The following SLC30A3 variants were observed in gnomAD, a reference collection of about 807,000 sequenced individuals.
SLC30A3 encodes the protein probable proton-coupled zinc antiporter SLC30A3.
In SLC30A3, 20 loss-of-function variants were observed where a neutral mutation model predicts 35.6. The observed-to-expected ratio is 0.56, with a 90% CI of 0.39 to 0.82. The LOEUF (loss-of-function observed/expected upper bound fraction) is 0.82, where lower values mean the gene tolerates loss of function less well. Ranked by LOEUF, SLC30A3 falls within the 40% of genes least tolerant of loss-of-function variation. The pLI, the probability that SLC30A3 is intolerant of heterozygous loss-of-function variation, is 0.00. For synonymous variants in SLC30A3, 217 were observed against 224.7 expected (o/e 0.97, Z 0.31); for missense variants, 401 against 530.6 (o/e 0.76, Z 2.40).
rs1174700335 is a variant in SLC30A3, at chr2:27,254,797, CACAG to C, written c.*511_*514del. On this transcript the variant is annotated 3_prime_UTR_variant, in exon 8 of 8. Transcript: ENST00000233535. ...ACACACACACACACACACACACACA[CACAG>C]ACAAAACCACAGGGCTAAGACACAC... 3 of 273,328 alleles carry C rather than the reference CACAG, an allele frequency of 1.1e-5. No homozygotes were observed. Among genetic ancestry groups the C allele is most frequent in the Non-Finnish European group, 1.4e-5 (2 of 143,936 alleles). The allele number at this position is 273,328 out of a possible 1,614,324, so 16.9% of individuals were successfully genotyped here.
intron 1 of SLC30A3, among the ~76,000 whole-genome samples, chr2:27,260,045 T>G (rs991874363): frequency 6.6e-6 from 1 of 152,098 alleles, no homozygotes; most frequent in African/African-American, 2.4e-5. Flanking sequence ...CAAGGCAGTA[T>G]GAAGGGAAGG....
upstream of SLC30A3, among the ~76,000 whole-genome samples, chr2:27,264,659 CCA>C (rs1190331455): frequency 2.0e-5 from 3 of 152,176 alleles, no homozygotes; most frequent in Non-Finnish European, 2.9e-5. This position sits in a 1 kb window ranked among gnomAD's most constrained non-coding sequence, Gnocchi z 6.1. Flanking sequence ...CCCAGCCTCC[CCA>C]GTCCAAAGCC....
chr2:27,258,166 C>A lies in SLC30A3; in HGVS notation c.419G>T (p.Arg140Leu). ...GGGCCATGCAGGGGCCTTACCTGAA[C>A]GGTGCCAGCCAAAGGTCATGGTGCG... is the stretch of plus-strand genomic sequence containing the variant. The part of the protein sequence containing the change: ...ATRTMTFGWH[R>L]SETLGALASV... The change falls in exon 3 of 8, where the codon CGT becomes CTT. Residue 140 changes from arginine (R) to leucine (L), a missense_variant. Arg to Leu is a moderately radical substitution (Grantham distance 102, BLOSUM62 -2). Around this residue, in one of 3 missense-constraint regions of SLC30A3, gnomAD observed 296 missense variants for 392.6 expected, o/e 0.75. Coordinates refer to ENST00000233535, the MANE Select transcript of SLC30A3 (RefSeq NM_003459.5). The surrounding 1 kb of genome is among the most constrained non-coding windows in gnomAD (Gnocchi z 4.0). 1 of 1,593,374 alleles carries A rather than the reference C, an allele frequency of 6.3e-7. No individual in the cohort carries two copies. The highest frequency in any genetic ancestry group is 8.6e-7 in the Non-Finnish European group (1 of 1,167,004).
chr2:27,272,272 T>C (rs1426479591), intron 1 of SLC30A3, among the ~76,000 whole-genome samples: 2 of 152,176 alleles, frequency 1.3e-5, no homozygotes, highest in African/African-American at 2.4e-5. Flanking sequence ...ATGGGCCCTG[T>C]AGTCTTGTCC....
In SLC30A3 at chr2:27,258,427, A is replaced by ACC; in HGVS notation, c.278-121_278-120insGG. On this transcript the variant is annotated intron_variant, in intron 2 of 7. Transcript: ENST00000233535. The surrounding 1 kb of genome is among the most constrained non-coding windows in gnomAD (Gnocchi z 4.0). ...ATGTGATTTGGGGTTTTCTCAGGTG[A>ACC]TGGGACTACAGGTATAATTAACTAC... 4.4e-6 allele frequency: 4 copies of ACC among 917,850 alleles called. No homozygotes were observed. The highest frequency in any genetic ancestry group is 4.8e-6 in the Non-Finnish European group (3 of 625,760). The allele number at this position is 917,850 out of a possible 1,614,324, so 56.9% of individuals were successfully genotyped here. A position where few individuals can be genotyped will look rare whatever the true frequency, so the allele number is the denominator to read the frequency against.
chr2:27,275,090 G>C, intron 1 of SLC30A3: 1 of 880,794 alleles, frequency 1.1e-6, no homozygotes, highest in Non-Finnish European at 1.6e-6. Flanking sequence ...GGGTGGAAGA[G>C]AAGGAGGGAC....
chr2:27,255,553 T>A lies in SLC30A3; in HGVS notation c.1019-93A>T. ...GACAGGGAAAGGGGCTGCACAGCAT[T>A]AAAGCCAGGCGTGAATGGAAGCCTG... On this transcript the variant is annotated intron_variant, in intron 7 of 7. Transcript: ENST00000233535. The surrounding 1 kb of genome is among the most constrained non-coding windows in gnomAD (Gnocchi z 5.2). The A allele has an allele frequency of 7.2e-7, 1 of 1,391,150 alleles. No individual in the cohort carries two copies. The highest frequency in any genetic ancestry group is 1.0e-6 in the Non-Finnish European group (1 of 1,002,808). The allele number at this position is 1,391,150 out of a possible 1,614,324, so 86.2% of individuals were successfully genotyped here. A position where few individuals can be genotyped will look rare whatever the true frequency, so the allele number is the denominator to read the frequency against.
In SLC30A3 at chr2:27,257,049, G is replaced by T; in HGVS notation, c.777+105C>A. 1 of 1,230,938 alleles carries T rather than the reference G, an allele frequency of 8.1e-7. No homozygotes were observed. Among genetic ancestry groups the T allele is most frequent in the Non-Finnish European group, 1.2e-6 (1 of 837,814 alleles). The allele number at this position is 1,230,938 out of a possible 1,614,324, so 76.3% of individuals were successfully genotyped here. A position where few individuals can be genotyped will look rare whatever the true frequency, so the allele number is the denominator to read the frequency against. ...TCTGGGAGAGTCCTGGGAGGTGGGA[G>T]GGAGGAGCTGGAGGGAGGAGGAAGG... On this transcript the variant is annotated intron_variant, in intron 5 of 7. Coordinates refer to ENST00000233535, the MANE Select transcript of SLC30A3 (RefSeq NM_003459.5). This position sits in a 1 kb window ranked among gnomAD's most constrained non-coding sequence, Gnocchi z 4.7.
chr2:27,269,622 G>A (rs953307984), intron 1 of SLC30A3, among the ~76,000 whole-genome samples: 1 of 152,012 alleles, frequency 6.6e-6, no homozygotes, highest in Non-Finnish European at 1.5e-5. Context: ...CAGAAGCCAT[G>A]GGTGTAGACT....
At chr2:27,256,253 T>TGA (rs139393899) in intron 7 of SLC30A3, 133 bp downstream of exon 7, 19 of 1,034,946 alleles carry the variant, frequency 1.8e-5, no homozygotes, top group South Asian at 6.0e-5. Context: ...TGTGTCTATG[T>TGA]GAGAGAGAGA....
In SLC30A3 at chr2:27,258,134, A is replaced by G. The variant is rs1676975706; in HGVS notation, c.424+27T>C. 1 of 1,603,142 alleles carries G rather than the reference A, an allele frequency of 6.2e-7. No homozygotes were observed. The highest frequency in any genetic ancestry group is 8.5e-7 in the Non-Finnish European group (1 of 1,171,958). On this transcript the variant is annotated intron_variant, in intron 3 of 7. Coordinates refer to ENST00000233535, the MANE Select transcript of SLC30A3 (RefSeq NM_003459.5). The surrounding 1 kb of genome is among the most constrained non-coding windows in gnomAD (Gnocchi z 4.0). ...CGGGTGCCCTCTGGCAAGATTGGAGAGTCACTGGGCCATGCAGGGGCCTTA... is the reference window on the plus strand; with the variant it reads ...CGGGTGCCCTCTGGCAAGATTGGAGGGTCACTGGGCCATGCAGGGGCCTTA...
intron 1 of SLC30A3, 99 bp from the exon 2 acceptor site, chr2:27,259,033 C>T: frequency 2.1e-6 from 2 of 953,980 alleles, no homozygotes; most frequent in Non-Finnish European, 3.1e-6. Flanking sequence ...AGACCATCTC[C>T]TTCCCCAGGC....
chr2:27,256,877 G>A lies in SLC30A3; in HGVS notation c.794C>T (p.Ala265Val). 1 of 1,606,356 alleles carries A rather than the reference G, an allele frequency of 6.2e-7. No individual in the cohort carries two copies. Among genetic ancestry groups the A allele is most frequent in the Non-Finnish European group, 8.5e-7 (1 of 1,178,068 alleles). Reference sequence around the variant, plus strand: ...GAAGAGGAAGGTGCTGATGGGGTCGGCTGCCTTGTATTGAGGCTGCAGAGA... The same window carrying A: ...GAAGAGGAAGGTGCTGATGGGGTCGACTGCCTTGTATTGAGGCTGCAGAGA... ...LIYFKPQYKAADPISTFLFSI... is the reference protein window; with the variant it reads ...LIYFKPQYKAVDPISTFLFSI... Residue 265 changes from alanine to valine, a missense_variant, in exon 6 of 8, where the codon GCC becomes GTC. Around this residue, in one of 3 missense-constraint regions of SLC30A3, gnomAD observed 296 missense variants for 392.6 expected, o/e 0.75. Transcript: ENST00000233535.
Position 27,256,876 on chromosome 2 carries a change from G to A in SLC30A3, c.795C>T (p.Ala265=), listed in dbSNP as rs114829262. The stretch of plus-strand genomic sequence containing the variant: ...AGAAGAGGAAGGTGCTGATGGGGTC[G>A]GCTGCCTTGTATTGAGGCTGCAGAG... ...LIYFKPQYKA[A]DPISTFLFSI... is the part of the protein sequence containing the mutation. Residue 265 remains alanine, a synonymous_variant, in exon 6 of 8, where the codon GCC becomes GCT. Transcript: ENST00000233535. The A allele has an allele frequency of 1.1e-4, 182 of 1,606,432 alleles. No homozygotes were observed. Among genetic ancestry groups the A allele is most frequent in the African/African-American group, 2.7e-4 (20 of 74,162 alleles).
chr2:27,262,961 G>C lies in SLC30A3; in HGVS notation c.-55C>G. ...ACCGAGGAAGAGAGAGGCCGGGCCGGCCCCGCGCCAAGTCCGAGCAGCCCG... is the reference window on the plus strand; with the variant it reads ...ACCGAGGAAGAGAGAGGCCGGGCCGCCCCCGCGCCAAGTCCGAGCAGCCCG... On this transcript the variant is annotated 5_prime_UTR_variant, in exon 1 of 8. Transcript: ENST00000233535. This position sits in a 1 kb window ranked among gnomAD's most constrained non-coding sequence, Gnocchi z 7.5. The C allele has an allele frequency of 6.8e-7, 1 of 1,460,840 alleles. No homozygotes were observed. Among genetic ancestry groups the C allele is most frequent in the African/African-American group, 1.5e-5 (1 of 66,448 alleles). The allele number at this position is 1,460,840 out of a possible 1,614,324, so 90.5% of individuals were successfully genotyped here. A position where few individuals can be genotyped will look rare whatever the true frequency, so the allele number is the denominator to read the frequency against.
chr2:27,254,405 G>C lies in SLC30A3; in HGVS notation c.*907C>G, dbSNP rs1676723574. On this transcript the variant is annotated 3_prime_UTR_variant, in exon 8 of 8. Coordinates refer to ENST00000233535, the MANE Select transcript of SLC30A3 (RefSeq NM_003459.5). ...TGTGAGCCAGGGGAAGGGGAGTAAA[G>C]AGACTGGTGGCTTTTACCCTCCATC... 6.5e-6 allele frequency: 1 copy of C among 152,684 alleles called. No homozygotes were observed. Among genetic ancestry groups the C allele is most frequent in the African/African-American group, 2.4e-5 (1 of 41,466 alleles). 9.5% of individuals were successfully genotyped at this position (152,684 alleles called of 1,614,324 possible).
At position 27,268,646 on chromosome 2, in the gene SLC30A3, C is replaced by T. The variant is rs112486554; in HGVS notation, c.-158-4564G>A. On this transcript the variant is annotated intron_variant, in intron 1 of 5. Coordinates refer to the SLC30A3 transcript ENST00000424577. ...CGGGCGCCTGTGGTCCCAGCTCCTCCGGAGGCTGAGGCAGGAGAATGGCGT... is the reference window on the plus strand; with the variant it reads ...CGGGCGCCTGTGGTCCCAGCTCCTCTGGAGGCTGAGGCAGGAGAATGGCGT... Among the ~76,000 whole-genome samples, 594 of 151,450 alleles carry T rather than the reference C, an allele frequency of 3.9e-3. 1 individual carries two copies. The highest frequency in any genetic ancestry group is 0.017 in the Middle Eastern group (5 of 288).
Position 27,268,856 on chromosome 2 carries a change from A to C in SLC30A3, c.-158-4774T>G, listed in dbSNP as rs1677608523. ...GCATCCTGTGTGATGCTGTGAGCAA[A>C]GTAGTAAGATGGAAGCATGCTTTAA... On this transcript the variant is annotated intron_variant, in intron 1 of 5. Transcript: ENST00000424577. Among the ~76,000 whole-genome samples, 3 of 152,184 alleles carry C rather than the reference A, an allele frequency of 2.0e-5. No individual in the cohort carries two copies. The South Asian group carries it at 6.2e-4, about 31-fold the overall frequency.
At chr2:27,263,947 T>A, upstream of SLC30A3, 6 of 900,314 alleles carry the variant, frequency 6.7e-6, no homozygotes, top group South Asian at 8.2e-5. Flanking sequence ...AGCGCCCTCC[T>A]GGACATTACC....
Sources: allele counts gnomAD v4.1 joint callset (sites outside exome capture counted in the v4.1 genomes callset), GRCh38; gene constraint gnomAD v4.1.1; regional missense constraint gnomAD v4.1.1; non-coding constraint Gnocchi (gnomAD v3.1); transcripts MANE v1.5; gene names NCBI Gene and HGNC (gene_info 2026-07-23, HGNC 2026-07-21).